The following FMNL3 variants were observed in gnomAD, a reference collection of about 807,000 sequenced individuals.
FMNL3 encodes formin-like protein 3.
In FMNL3, 57 loss-of-function variants were observed where a neutral mutation model predicts 119.6. The observed-to-expected ratio is 0.48, with a 90% CI of 0.39 to 0.59. The LOEUF is 0.59. Among genes scored for constraint, FMNL3 ranks in the 20% least tolerant of loss-of-function variants. The probability of loss-of-function intolerance (pLI) is 0.00; values close to 1 mark genes in which losing one functional copy is unlikely to be tolerated. For synonymous variants in FMNL3, 491 were observed against 507.3 expected, an observed-to-expected ratio of 0.97 and a Z score of 0.43; for missense variants, 1,053 against 1,323.5, an observed-to-expected ratio of 0.80 and a Z score of 3.17.
At chr12:49,651,864 C>T in intron 14 of FMNL3, 69 bp downstream of exon 14, 1 of 1,468,978 alleles carries the variant, frequency 6.8e-7, no homozygotes. Context: ...GAGGAAGACA[C>T]TGCTGACTAC....
Position 49,707,058 on chromosome 12 carries a change from C to T in FMNL3, c.123G>A (p.Val41=). The part of the protein sequence containing the change: ...PCELEERFAL[V]LSSMNLPPDK... ...AGGGGCTGGGCTCAGCTCTCACCAGCACCAGGGCGAACCTTTCCTCCAGCT... is the reference window on the plus strand; with the variant it reads ...AGGGGCTGGGCTCAGCTCTCACCAGTACCAGGGCGAACCTTTCCTCCAGCT... Residue 41 remains valine (V), a synonymous_variant, in exon 1 of 26, where the codon GTG becomes GTA. Transcript: ENST00000335154. The T allele has an allele frequency of 6.3e-7, 1 of 1,581,498 alleles. No individual in the cohort carries two copies. The highest frequency in any genetic ancestry group is 8.6e-7 in the Non-Finnish European group (1 of 1,164,840).
chr12:49,666,936 G>A lies in FMNL3; in HGVS notation c.211-729C>T, dbSNP rs976190899. On this transcript the variant is annotated intron_variant, in intron 2 of 25. Transcript: ENST00000335154. ...TTTCTCAGCAATGAACTCTGCAGTT[G>A]GGACTGGAATGGTTTTGCTGAGCTG... 2.0e-5 allele frequency among the ~76,000 whole-genome samples: 3 copies of A among 152,304 alleles called. No individual in the cohort carries two copies. In the South Asian group the frequency reaches 6.2e-4, roughly 32 times the overall value.
chr12:49,698,764 T>C (rs887533102), intron 1 of FMNL3, among the ~76,000 whole-genome samples: 4 of 152,068 alleles, frequency 2.6e-5, no homozygotes, highest in Admixed American at 1.3e-4. Context: ...TCACTCTCCA[T>C]GTGAAAGGAA....
rs767048206 is a variant in FMNL3 at position 49,651,293 on chromosome 12, CTAAT to C, written c.1673-5_1673-2del. 1.2e-6 allele frequency: 2 copies of C among 1,611,192 alleles called. No homozygotes were observed. Among genetic ancestry groups the C allele is most frequent in the African/African-American group, 2.7e-5 (2 of 74,844 alleles). On this transcript the variant is annotated splice_acceptor_variant and splice_polypyrimidine_tract_variant and intron_variant, in intron 15 of 25. Coordinates refer to ENST00000335154, the MANE Select transcript of FMNL3 (RefSeq NM_175736.5). LOFTEE classifies it high-confidence loss of function. ...TTGATAGGTTTCTTAATTCGAATGG[CTAAT>C]TTGGAAGGAGGATCAGTGACACAGG...
intron 16 of FMNL3, 144 bp from the exon 17 acceptor site, chr12:49,651,022 A>G: frequency 6.9e-7 from 1 of 1,452,044 alleles, no homozygotes; most frequent in Non-Finnish European, 9.5e-7. Flanking sequence ...ACAACTAGAA[A>G]TATACGTACA....
At chr12:49,662,956 G>A (rs1592659351) in intron 4 of FMNL3, among the ~76,000 whole-genome samples, 1 of 152,200 alleles carries the variant, frequency 6.6e-6, no homozygotes, top group East Asian at 1.9e-4. Context: ...GGTCTTTATA[G>A]GAAAGCTCCT....
At chr12:49,699,725 T>C (rs1308324974) in intron 1 of FMNL3, among the ~76,000 whole-genome samples, 2 of 152,220 alleles carry the variant, frequency 1.3e-5, no homozygotes, top group Non-Finnish European at 2.9e-5. Context: ...CATAGACATA[T>C]GTATATAATA....
At chr12:49,659,929 T>C (rs945960004) in intron 5 of FMNL3, 1 of 985,268 alleles carries the variant, frequency 1.0e-6, no homozygotes, top group African/African-American at 1.7e-5. Context: ...TGCTCAGACA[T>C]GGGGTCAAAG....
chr12:49,646,260 T>G (rs1943179946), intron 25 of FMNL3, among the ~76,000 whole-genome samples: 1 of 152,064 alleles, frequency 6.6e-6, no homozygotes, highest in Admixed American at 6.5e-5. Context: ...CTACCAGAGC[T>G]CTTATGAGAA....
intron 1 of FMNL3, among the ~76,000 whole-genome samples, chr12:49,691,977 G>A (rs1944617642): frequency 7.1e-6 from 1 of 141,400 alleles, no homozygotes; most frequent in Non-Finnish European, 1.5e-5. Context: ...GGAGGTTGCA[G>A]TGAACCAAGA....
At position 49,639,169 on chromosome 12, in the gene FMNL3, G is replaced by C. The variant is rs990402794; in HGVS notation, c.*6646C>G. The C allele has an allele frequency of 6.6e-6, 1 of 152,216 alleles. No individual in the cohort carries two copies. Among genetic ancestry groups the C allele is most frequent in the South Asian group, 2.1e-4 (1 of 4,834 alleles). 9.4% of individuals were successfully genotyped at this position (152,216 alleles called of 1,614,324 possible). ...GAGGAACCGGGGAATGATCAGATTA[G>C]ATGGTGTATAGTAGAACCTTTCAGT... On this transcript the variant is annotated 3_prime_UTR_variant, in exon 26 of 26. Coordinates refer to ENST00000335154, the MANE Select transcript of FMNL3 (RefSeq NM_175736.5).
At chr12:49,700,714 C>CAAAAAAAAAA (rs59073094) in intron 1 of FMNL3, among the ~76,000 whole-genome samples, 1 of 63,988 alleles carries the variant, frequency 1.6e-5, no homozygotes, top group Non-Finnish European at 2.8e-5. Flanking sequence ...GACTCCACCT[C>CAAAAAAAAAA]AAAAAAAAAA....
At chr12:49,650,167 C>T (rs1943351527) in intron 17 of FMNL3, among the ~76,000 whole-genome samples, 1 of 152,172 alleles carries the variant, frequency 6.6e-6, no homozygotes, top group African/African-American at 2.4e-5. Context: ...GTCCAAACAC[C>T]TGAGCATGGC....
At position 49,639,049 on chromosome 12, in the gene FMNL3, C is replaced by G. The variant is rs1005063603; in HGVS notation, c.*6766G>C. 2 of 152,224 alleles carry G rather than the reference C, an allele frequency of 1.3e-5. No individual in the cohort carries two copies. Among genetic ancestry groups the G allele is most frequent in the Non-Finnish European group, 2.9e-5 (2 of 68,034 alleles). The allele number at this position is 152,224 out of a possible 1,614,324, so 9.4% of individuals were successfully genotyped here. A position where few individuals can be genotyped will look rare whatever the true frequency, so the allele number is the denominator to read the frequency against. On this transcript the variant is annotated 3_prime_UTR_variant, in exon 26 of 26. Coordinates refer to ENST00000335154, the MANE Select transcript of FMNL3 (RefSeq NM_175736.5). ...CTGTCCTGAGGTATCCTCTCTTTCTCTGGAACCACATGCCCCAGCTTGGAA... is the reference window on the plus strand; with the variant it reads ...CTGTCCTGAGGTATCCTCTCTTTCTGTGGAACCACATGCCCCAGCTTGGAA...
Position 49,641,216 on chromosome 12 carries a change from T to TAA in FMNL3, c.*4598_*4599insTT, listed in dbSNP as rs1411665821. 2.6e-5 allele frequency: 4 copies of TAA among 152,226 alleles called. No individual in the cohort carries two copies. The highest frequency in any genetic ancestry group is 5.9e-5 in the Non-Finnish European group (4 of 68,060). The allele number at this position is 152,226 out of a possible 1,614,324, so 9.4% of individuals were successfully genotyped here. A position where few individuals can be genotyped will look rare whatever the true frequency, so the allele number is the denominator to read the frequency against. ...TAGAGCCTGGCCTGTGGACATGTTT[T>TAA]TAGTATTGGTGGGGAGCTGCACACC... is the stretch of plus-strand genomic sequence containing the variant. On this transcript the variant is annotated 3_prime_UTR_variant, in exon 26 of 26. Transcript: ENST00000335154.
At chr12:49,695,999 T>G (rs970513315) in intron 1 of FMNL3, among the ~76,000 whole-genome samples, 1 of 152,100 alleles carries the variant, frequency 6.6e-6, no homozygotes, top group Non-Finnish European at 1.5e-5. Context: ...CACAGGATAT[T>G]ATCTAACCTT....
chr12:49,686,979 G>A (rs1052854739), intron 1 of FMNL3, among the ~76,000 whole-genome samples: 11 of 152,020 alleles, frequency 7.2e-5, no homozygotes, highest in Non-Finnish European at 1.3e-4. Flanking sequence ...CCCCTTCCTC[G>A]GAGACACACT....
rs902645053 is a variant in FMNL3 at position 49,658,263 on chromosome 12, G to A, written c.605+179C>T. ...ACCATGTACTTACCCAGGACAGACC[G>A]CTGGGCAGAGTCAAGGAGACAGAGA... is the stretch of plus-strand genomic sequence containing the variant. On this transcript the variant is annotated intron_variant, in intron 6 of 25. Coordinates refer to ENST00000335154, the MANE Select transcript of FMNL3 (RefSeq NM_175736.5). 3.9e-5 allele frequency among the ~76,000 whole-genome samples: 6 copies of A among 152,236 alleles called. No individual in the cohort carries two copies. The East Asian group carries it at 5.8e-4, about 15-fold the overall frequency.
Position 49,637,718 on chromosome 12 carries a change from C to A in FMNL3, c.*8097G>T. ...AGCTGCCGCCCGCCAGGCCCCCCTC[C>A]CTCCCTCCTTACAGGCTCCACCCCT... On this transcript the variant is annotated 3_prime_UTR_variant, in exon 26 of 26. Coordinates refer to ENST00000335154, the MANE Select transcript of FMNL3 (RefSeq NM_175736.5). 1 of 1,558,364 alleles carries A rather than the reference C, an allele frequency of 6.4e-7. No homozygotes were observed. Among genetic ancestry groups the A allele is most frequent in the Non-Finnish European group, 8.8e-7 (1 of 1,133,356 alleles).
Sources: allele counts gnomAD v4.1 joint callset (sites outside exome capture counted in the v4.1 genomes callset), GRCh38; gene constraint gnomAD v4.1.1; transcripts MANE v1.5; gene names NCBI Gene and HGNC (gene_info 2026-07-23, HGNC 2026-07-21).